Variants in RBFOX2 observed in about 807,000 individuals in gnomAD.
The protein encoded by RBFOX2 is RNA binding protein fox-1 homolog 2.
Under a neutral mutation model 49.1 loss-of-function variants are expected in RBFOX2, and 10 were observed. The ratio of observed to expected loss-of-function variants is 0.20; its 90% CI spans 0.13 to 0.35. The LOEUF is 0.35. Among genes scored for constraint, RBFOX2 ranks in the 10% least tolerant of loss-of-function variants. The pLI, the probability that RBFOX2 is intolerant of heterozygous loss-of-function variation, is 1.00. For missense variants in RBFOX2, 323 were observed against 486.9 expected, an observed-to-expected ratio of 0.66 and a Z score of 3.17; for synonymous variants, 183 against 187.4, an observed-to-expected ratio of 0.98 and a Z score of 0.19.
At chr22:35,952,976 C>T (rs1317471953) in intron 1 of RBFOX2, among the ~76,000 whole-genome samples, 2 of 152,036 alleles carry the variant, frequency 1.3e-5, no homozygotes, top group Non-Finnish European at 2.9e-5. Flanking sequence ...TTTTGGGAGG[C>T]TGTGGCGGGC....
chr22:35,905,935 C>T (rs1283132760), intron 1 of RBFOX2, among the ~76,000 whole-genome samples: 1 of 152,072 alleles, frequency 6.6e-6, no homozygotes, highest in Admixed American at 6.6e-5. Context: ...CATTGTGTTA[C>T]AATTGCCTAC....
rs148392518 is a variant in RBFOX2, at chr22:35,879,712, T to A, written c.-34+59135A>T. ...GAAACACATCAGTGGATTTTGTGCATGATCAGATTTATATTTTCAAAGGAT... is the reference window on the plus strand; with the variant it reads ...GAAACACATCAGTGGATTTTGTGCAAGATCAGATTTATATTTTCAAAGGAT... On this transcript the variant is annotated intron_variant, in intron 1 of 13. Transcript: ENST00000359369. Among the ~76,000 whole-genome samples, 3 of 152,352 alleles carry A rather than the reference T, an allele frequency of 2.0e-5. No individual in the cohort carries two copies. In the East Asian group the frequency reaches 5.8e-4, roughly 29 times the overall value.
intron 9 of RBFOX2, among the ~76,000 whole-genome samples, chr22:35,758,968 C>T (rs561537551): frequency 4.0e-5 from 6 of 151,836 alleles, no homozygotes; most frequent in African/African-American, 7.3e-5. Context: ...CTTATTCCTC[C>T]GTAAGAATAC....
intron 1 of RBFOX2, among the ~76,000 whole-genome samples, chr22:36,026,299 A>G (rs1029232848): frequency 1.3e-5 from 2 of 152,016 alleles, no homozygotes; most frequent in African/African-American, 4.8e-5. Context: ...ATAAAATACA[A>G]GAAGTGAAAA....
At chr22:35,994,346 T>A (rs576187778) in intron 1 of RBFOX2, 1 of 152,148 alleles carries the variant, frequency 6.6e-6, no homozygotes, top group Admixed American at 6.5e-5. Context: ...AAATCTAGTG[T>A]ATAGTATTTT....
intron 1 of RBFOX2, among the ~76,000 whole-genome samples, chr22:36,011,877 G>C (rs1404896927): frequency 6.6e-6 from 1 of 152,166 alleles, no homozygotes; most frequent in Non-Finnish European, 1.5e-5. Context: ...TGAGTTTATT[G>C]TTTGTTGTCA....
At chr22:35,917,251 G>A (rs1284377713) in intron 1 of RBFOX2, among the ~76,000 whole-genome samples, 1 of 152,190 alleles carries the variant, frequency 6.6e-6, no homozygotes, top group African/African-American at 2.4e-5. Context: ...ACTGAAAGGG[G>A]TCTCAGTATG....
upstream of RBFOX2, chr22:35,938,929 T>C (rs766175083): frequency 2.3e-5 from 36 of 1,581,454 alleles, no homozygotes; most frequent in African/African-American, 4.0e-5. Context: ...TATCAAACCA[T>C]GAGATGAAAG....
At chr22:35,909,173 T>C (rs1379244781) in intron 1 of RBFOX2, among the ~76,000 whole-genome samples, 3 of 152,150 alleles carry the variant, frequency 2.0e-5, no homozygotes, top group Non-Finnish European at 2.9e-5. Flanking sequence ...ATCATTGTTA[T>C]CAGGTTTGGT....
chr22:35,799,656 T>G (rs1569161658), intron 2 of RBFOX2, among the ~76,000 whole-genome samples: 1 of 152,042 alleles, frequency 6.6e-6, no homozygotes, highest in African/African-American at 2.4e-5. Flanking sequence ...TGGTTAAAAA[T>G]AATTACTTCG....
At chr22:35,994,816 G>C (rs2058122194) in intron 1 of RBFOX2, 1 of 152,258 alleles carries the variant, frequency 6.6e-6, no homozygotes, top group Admixed American at 6.6e-5. Flanking sequence ...ACAGGCATGA[G>C]CCACTGCACC....
At chr22:35,895,290 C>CT (rs2047706738) in intron 1 of RBFOX2, among the ~76,000 whole-genome samples, 2 of 152,260 alleles carry the variant, frequency 1.3e-5, no homozygotes, top group South Asian at 4.1e-4. Flanking sequence ...GTTTCTAGTG[C>CT]TAGATATACA....
intron 1 of RBFOX2, among the ~76,000 whole-genome samples, chr22:35,955,143 T>C (rs1388461643): frequency 6.6e-6 from 1 of 152,194 alleles, no homozygotes; most frequent in East Asian, 1.9e-4. Context: ...AAAGAACCAA[T>C]TTAAGAGGTT....
At chr22:35,784,789 C>T (rs1333808036) in intron 2 of RBFOX2, among the ~76,000 whole-genome samples, 1 of 152,194 alleles carries the variant, frequency 6.6e-6, no homozygotes, top group East Asian at 1.9e-4. Context: ...GGGAGGCCCG[C>T]AGCTGGTTGC....
rs567657204 is a variant in RBFOX2, at chr22:36,007,266, A to C, written c.186+20974T>G. 5.3e-4 allele frequency among the ~76,000 whole-genome samples: 81 copies of C among 151,580 alleles called. 1 individual carries two copies. The highest frequency in any genetic ancestry group is 3.5e-3 in the South Asian group (17 of 4,828). ...ACATAGCTAATATACAAACATATAAATATATATAATATAAATACATAATAA... is the reference window on the plus strand; with the variant it reads ...ACATAGCTAATATACAAACATATAACTATATATAATATAAATACATAATAA... On this transcript the variant is annotated intron_variant, in intron 1 of 13. Coordinates refer to the RBFOX2 transcript ENST00000438146.
chr22:35,791,450 C>G (rs1004717145), intron 2 of RBFOX2, among the ~76,000 whole-genome samples: 1 of 151,100 alleles, frequency 6.6e-6, no homozygotes, highest in African/African-American at 2.4e-5. Flanking sequence ...TATTAAAACA[C>G]TAAAAATGTT....
chr22:35,918,549 G>T (rs2050683274), intron 1 of RBFOX2, among the ~76,000 whole-genome samples: 1 of 152,152 alleles, frequency 6.6e-6, no homozygotes. Flanking sequence ...GAATCATATA[G>T]TAAGAAATAA....
At chr22:36,026,069 A>G (rs2059421288) in intron 1 of RBFOX2, among the ~76,000 whole-genome samples, 1 of 152,304 alleles carries the variant, frequency 6.6e-6, no homozygotes, top group Admixed American at 6.5e-5. Flanking sequence ...GTTCGAGACC[A>G]GCCTGGCCAA....
At chr22:35,957,328 T>C (rs906712523) in intron 1 of RBFOX2, among the ~76,000 whole-genome samples, 5 of 152,192 alleles carry the variant, frequency 3.3e-5, no homozygotes, top group African/African-American at 1.2e-4. Context: ...CTTAGTTGTA[T>C]GTAACACTTC....
Sources: allele counts gnomAD v4.1 joint callset (sites outside exome capture counted in the v4.1 genomes callset), GRCh38; gene constraint gnomAD v4.1.1; transcripts MANE v1.5; gene names NCBI Gene and HGNC (gene_info 2026-07-23, HGNC 2026-07-21).